Variants in GDPD1 observed in about 807,000 individuals in gnomAD.
The protein encoded by GDPD1 is glycerophosphodiester phosphodiesterase domain containing 1, also known as lysophospholipase D GDPD1.
GDPD1 carries 28 observed loss-of-function variants against 45.1 expected under a neutral mutation model. The observed-to-expected ratio is 0.62, with a 90% CI of 0.46 to 0.85. The LOEUF is 0.85. Among genes scored for constraint, GDPD1 ranks in the 40% least tolerant of loss-of-function variants. The pLI is 0.00. For missense variants in GDPD1, 256 were observed against 364.8 expected (o/e 0.70, Z 2.43); for synonymous variants, 139 against 131.4 (o/e 1.06, Z -0.40).
At chr17:59,255,762 A>T (rs28706175) in intron 4 of GDPD1, among the ~76,000 whole-genome samples, 2,174 of 43,272 alleles carry the variant, frequency 0.05, 56 homozygotes, top group African/African-American at 0.089. Context: ...AAAAAAAAAA[A>T]ATATATATAT....
At chr17:59,230,969 A>C (rs1241879105) in intron 1 of GDPD1, among the ~76,000 whole-genome samples, 1 of 152,244 alleles carries the variant, frequency 6.6e-6, no homozygotes, top group Non-Finnish European at 1.5e-5. Flanking sequence ...GCATAAGTGT[A>C]AACTTGCTGT....
At position 59,274,904 on chromosome 17, in the gene GDPD1, C is replaced by G. The variant is rs1452395883; in HGVS notation, c.*1131C>G. Among the ~76,000 whole-genome samples the G allele has an allele frequency of 3.4e-5, 5 of 147,808 alleles. No individual in the cohort carries two copies. In the East Asian group the frequency reaches 1.0e-3, roughly 30 times the overall value. Reference sequence around the variant, plus strand: ...TCGCCGAGGCCGGAGTGCAGTGGTGCGATCTTGGCTCACTGCAACCTCTGC... The same window carrying G: ...TCGCCGAGGCCGGAGTGCAGTGGTGGGATCTTGGCTCACTGCAACCTCTGC... On this transcript the variant is annotated 3_prime_UTR_variant, in exon 10 of 10. Transcript: ENST00000284116.
chr17:59,264,349 A>G (rs1166870675), intron 6 of GDPD1, among the ~76,000 whole-genome samples: 4 of 151,638 alleles, frequency 2.6e-5, no homozygotes, highest in Non-Finnish European at 5.9e-5. Context: ...ACTGGGGTGC[A>G]GTGGCACGAT....
rs576404604 is a variant in GDPD1, at chr17:59,221,727, A to G, written c.142+976A>G. Among the ~76,000 whole-genome samples, 18 of 152,248 alleles carry G rather than the reference A, an allele frequency of 1.2e-4. 1 individual carries two copies. In the South Asian group the frequency reaches 2.7e-3, roughly 23 times the overall value. On this transcript the variant is annotated intron_variant, in intron 1 of 9. Transcript: ENST00000284116. ...GTGCGGTGAAATTGGATTATTTTCAATCAATTTTAACTGTTCTTTAAGGCT... is the reference window on the plus strand; with the variant it reads ...GTGCGGTGAAATTGGATTATTTTCAGTCAATTTTAACTGTTCTTTAAGGCT...
At chr17:59,271,105 A>T in intron 8 of GDPD1, 110 bp downstream of exon 8, 1 of 640,330 alleles carries the variant, frequency 1.6e-6, no homozygotes, top group Non-Finnish European at 2.8e-6. Flanking sequence ...AACAAGGACA[A>T]ATTGAGCACC....
intron 6 of GDPD1, among the ~76,000 whole-genome samples, chr17:59,263,905 G>A (rs918996520): frequency 3.3e-5 from 5 of 152,128 alleles, no homozygotes; most frequent in Admixed American, 6.6e-5. Context: ...AAAATGTGGC[G>A]CTTAATGACT....
At chr17:59,227,237 G>T (rs1261280161) in intron 1 of GDPD1, among the ~76,000 whole-genome samples, 1 of 151,492 alleles carries the variant, frequency 6.6e-6, no homozygotes. Context: ...TGGCCAACAT[G>T]TTGAAACCCC....
At chr17:59,272,719 C>T (rs1041493731) in intron 8 of GDPD1, 66 bp from the exon 9 acceptor site, 1 of 918,506 alleles carries the variant, frequency 1.1e-6, no homozygotes, top group African/African-American at 1.6e-5. Flanking sequence ...AATTACTAAA[C>T]TCTAAATTGA....
At chr17:59,231,324 C>CTTTTTTTT (rs557850341) in intron 1 of GDPD1, among the ~76,000 whole-genome samples, 66 of 114,394 alleles carry the variant, frequency 5.8e-4, no homozygotes, top group Non-Finnish European at 6.9e-4. Flanking sequence ...TTCTTTCTTT[C>CTTTTTTTT]TTTTTTTTTT....
intron 1 of GDPD1, among the ~76,000 whole-genome samples, chr17:59,227,555 A>C (rs143977287): frequency 0.023 from 3,448 of 152,236 alleles, 58 homozygotes; most frequent in Middle Eastern, 0.034. Context: ...TAAAAATTAC[A>C]ATATTATTTA....
Position 59,275,898 on chromosome 17 carries a change from C to T in GDPD1, c.*2125C>T, listed in dbSNP as rs1331558461. Reference sequence around the variant, plus strand: ...TGCTATGAAGAATGACTGTACTCTCCTATCTGTCCCTGGATGACATAAATA... The same window carrying T: ...TGCTATGAAGAATGACTGTACTCTCTTATCTGTCCCTGGATGACATAAATA... On this transcript the variant is annotated 3_prime_UTR_variant, in exon 10 of 10. Coordinates refer to ENST00000284116, the MANE Select transcript of GDPD1 (RefSeq NM_182569.4). 6.6e-6 allele frequency: 1 copy of T among 152,160 alleles called. No homozygotes were observed. Among genetic ancestry groups the T allele is most frequent in the East Asian group, 1.9e-4 (1 of 5,192 alleles). 9.4% of individuals were successfully genotyped at this position (152,160 alleles called of 1,614,324 possible).
At chr17:59,242,813 G>C (rs748145941) in intron 2 of GDPD1, among the ~76,000 whole-genome samples, 2 of 152,188 alleles carry the variant, frequency 1.3e-5, no homozygotes, top group Non-Finnish European at 2.9e-5. Context: ...CACATGAGCT[G>C]AAGAGGCCAG....
chr17:59,239,070 A>G (rs986838029), intron 2 of GDPD1, among the ~76,000 whole-genome samples: 1 of 152,234 alleles, frequency 6.6e-6, no homozygotes, highest in African/African-American at 2.4e-5. Flanking sequence ...ATTAGCCGGA[A>G]TGGTAAGGAG....
intron 1 of GDPD1, among the ~76,000 whole-genome samples, chr17:59,226,736 C>T (rs1420923904): frequency 2.6e-5 from 4 of 151,914 alleles, no homozygotes; most frequent in East Asian, 1.9e-4. Context: ...AATGCAGTGG[C>T]GCGATCTCAG....
intron 1 of GDPD1, among the ~76,000 whole-genome samples, chr17:59,224,504 A>C (rs1461283064): frequency 6.6e-6 from 1 of 152,040 alleles, no homozygotes; most frequent in African/African-American, 2.4e-5. Flanking sequence ...GGGCGCCTGT[A>C]GTCCCAGCTA....
intron 2 of GDPD1, among the ~76,000 whole-genome samples, chr17:59,240,643 AT>A (rs1193488939): frequency 1.3e-5 from 2 of 151,678 alleles, no homozygotes; most frequent in East Asian, 3.9e-4. Flanking sequence ...TAATTTTTAA[AT>A]TTTTTTCGTA....
intron 4 of GDPD1, among the ~76,000 whole-genome samples, chr17:59,256,136 G>T (rs1285289056): frequency 6.6e-6 from 1 of 151,844 alleles, no homozygotes; most frequent in African/African-American, 2.4e-5. Context: ...CTGGCCAAAT[G>T]CAAAACCCCA....
intron 1 of GDPD1, among the ~76,000 whole-genome samples, chr17:59,223,239 A>T (rs2047019893): frequency 6.6e-6 from 1 of 152,234 alleles, no homozygotes; most frequent in Non-Finnish European, 1.5e-5. Context: ...ATGCGGCATC[A>T]GTATTTATAT....
At chr17:59,226,972 C>T (rs115667026) in intron 1 of GDPD1, among the ~76,000 whole-genome samples, 3,673 of 151,684 alleles carry the variant, frequency 0.024, 154 homozygotes, top group African/African-American at 0.084. Context: ...TGAACCACCG[C>T]GCCCACCCTG....
Sources: allele counts gnomAD v4.1 joint callset (sites outside exome capture counted in the v4.1 genomes callset), GRCh38; gene constraint gnomAD v4.1.1; transcripts MANE v1.5; gene names NCBI Gene and HGNC (gene_info 2026-07-23, HGNC 2026-07-21).